RBM28: variants seen among roughly 807,000 people sequenced by gnomAD.
RBM28 encodes the protein RNA-binding protein 28.
A neutral mutation model predicts 98.3 loss-of-function variants in RBM28; 78 were observed. The observed-to-expected ratio is 0.79, with a 90% confidence interval of 0.66 to 0.96. RBM28 has a LOEUF of 0.96. Among genes scored for constraint, RBM28 ranks in the 40% least tolerant of loss-of-function variants. The pLI is 0.00. For missense variants in RBM28, 838 were observed against 913.0 expected, an observed-to-expected ratio of 0.92 and a Z score of 1.06; for synonymous variants, 306 against 330.9, an observed-to-expected ratio of 0.92 and a Z score of 0.82.
rs1434506237 is a variant in RBM28 at position 128,310,879 on chromosome 7, A to G, written c.2198T>C (p.Leu733Pro). 1 of 1,614,078 alleles carries G rather than the reference A, an allele frequency of 6.2e-7. No individual in the cohort carries two copies. The highest frequency in any genetic ancestry group is 8.5e-7 in the Non-Finnish European group (1 of 1,179,894). ...GNKTETRFNQ[L>P]VEQYKQKLLG... The stretch of plus-strand genomic sequence containing the variant: ...TAATTTCTGCTTATATTGTTCGACC[A>G]GCTGGTTGAAGCGGGTTTCCGTCTT... The change falls in exon 19 of 19, where the codon CTG becomes CCG. Residue 733 changes from leucine (L) to proline (P), a missense_variant. Physicochemically the swap from Leu to Pro is moderately conservative, Grantham distance 98. Transcript: ENST00000223073.
intron 10 of RBM28, among the ~76,000 whole-genome samples, chr7:128,327,418 C>T (rs1247290965): frequency 6.6e-6 from 1 of 152,178 alleles, no homozygotes; most frequent in Non-Finnish European, 1.5e-5. Context: ...GGCTCATACT[C>T]TAGAATCTCC....
At chr7:128,324,422 G>A (rs1584646246) in intron 12 of RBM28, 137 bp downstream of exon 12, 2 of 1,245,738 alleles carry the variant, frequency 1.6e-6, no homozygotes, top group East Asian at 2.3e-5. Flanking sequence ...TATTAAAGTG[G>A]AATGATCATA....
At chr7:128,314,674 A>C in intron 17 of RBM28, 90 bp downstream of exon 17, 1 of 1,592,780 alleles carries the variant, frequency 6.3e-7, no homozygotes, top group Non-Finnish European at 8.6e-7. Flanking sequence ...TTTCAACCAA[A>C]CAAATGCCAC....
chr7:128,338,454 G>T, intron 4 of RBM28, 112 bp from the exon 5 acceptor site: 1 of 894,094 alleles, frequency 1.1e-6, no homozygotes, highest in Non-Finnish European at 1.8e-6. Context: ...TCTGCCAGCA[G>T]GTCAGGCCCT....
In RBM28 at chr7:128,300,566, CCT is replaced by C. The variant is rs1190668481; in HGVS notation, c.*10229_*10230del. The C allele has an allele frequency of 1.3e-5, 2 of 152,296 alleles. No homozygotes were observed. The highest frequency in any genetic ancestry group is 1.9e-4 in the East Asian group (1 of 5,200). 9.4% of individuals were successfully genotyped at this position (152,296 alleles called of 1,614,324 possible). On this transcript the variant is annotated 3_prime_UTR_variant, in exon 19 of 19. Coordinates refer to ENST00000223073, the MANE Select transcript of RBM28 (RefSeq NM_018077.3). ...ATGAGCATGCTAACATCATCCAACC[CCT>C]GACCTTGTGGTGAGGATCAAAGACG...
chr7:128,314,950 T>C lies in RBM28; in HGVS notation c.1859A>G (p.Gln620Arg), dbSNP rs900890688. ...TGTGTGGTGTTGAGCTGCCTTCTGTTGCTGGTCTTTTGCAGGCTCTGGTTG... is the reference window on the plus strand; with the variant it reads ...TGTGTGGTGTTGAGCTGCCTTCTGTCGCTGGTCTTTTGCAGGCTCTGGTTG... ...KGQPEPAKDQQQKAAQHHTEE... is the reference protein window; with the variant it reads ...KGQPEPAKDQRQKAAQHHTEE... The change falls in exon 17 of 19, where the codon CAA (glutamine) becomes CGA (arginine). Residue 620 changes from glutamine (Q) to arginine (R), a missense_variant. Transcript: ENST00000223073. The C allele has an allele frequency of 7.4e-6, 12 of 1,614,122 alleles. No homozygotes were observed. Among genetic ancestry groups the C allele is most frequent in the Admixed American group, 1.7e-5 (1 of 60,010 alleles).
rs1795807401 is a variant in RBM28, at chr7:128,303,405, C to T, written c.*7392G>A. On this transcript the variant is annotated 3_prime_UTR_variant, in exon 19 of 19. Coordinates refer to ENST00000223073, the MANE Select transcript of RBM28 (RefSeq NM_018077.3). ...TTCACCAGGCTTGCTGTGAAGGTCA[C>T]CTGAGATAAGAGACGTGAAAGGATG... 6.6e-6 allele frequency: 1 copy of T among 152,210 alleles called. No individual in the cohort carries two copies. Among genetic ancestry groups the T allele is most frequent in the Non-Finnish European group, 1.5e-5 (1 of 68,062 alleles). The allele number at this position is 152,210 out of a possible 1,614,324, so 9.4% of individuals were successfully genotyped here. A position where few individuals can be genotyped will look rare whatever the true frequency, so the allele number is the denominator to read the frequency against.
chr7:128,301,200 C>G lies in RBM28; in HGVS notation c.*9597G>C, dbSNP rs1277117939. On this transcript the variant is annotated 3_prime_UTR_variant, in exon 19 of 19. Coordinates refer to ENST00000223073, the MANE Select transcript of RBM28 (RefSeq NM_018077.3). ...AGGACACTGGGGACAAAAGACATCA[C>G]AGACCCTATCTCCCGTGCTCTTTTA... is the stretch of plus-strand genomic sequence containing the variant. 2 of 152,278 alleles carry G rather than the reference C, an allele frequency of 1.3e-5. No individual in the cohort carries two copies. The highest frequency in any genetic ancestry group is 1.3e-4 in the Admixed American group (2 of 15,288). The allele number at this position is 152,278 out of a possible 1,614,324, so 9.4% of individuals were successfully genotyped here.
chr7:128,343,870 T>C lies in RBM28; in HGVS notation c.-77A>G. 1 of 1,040,904 alleles carries C rather than the reference T, an allele frequency of 9.6e-7. No individual in the cohort carries two copies. Among genetic ancestry groups the C allele is most frequent in the Non-Finnish European group, 1.4e-6 (1 of 719,182 alleles). 64.5% of individuals were successfully genotyped at this position (1,040,904 alleles called of 1,614,324 possible). On this transcript the variant is annotated 5_prime_UTR_variant, in exon 1 of 19. Transcript: ENST00000223073. Reference sequence around the variant, plus strand: ...ACGCGAGCCGAAACGCTGGCTTTGGTAGGACAACCAAGCTCACACGCCGAG... The same window carrying C: ...ACGCGAGCCGAAACGCTGGCTTTGGCAGGACAACCAAGCTCACACGCCGAG...
At position 128,298,442 on chromosome 7, in the gene RBM28, T is replaced by C. The variant is rs1008567612; in HGVS notation, c.*12355A>G. The C allele has an allele frequency of 6.6e-6, 1 of 152,146 alleles. No homozygotes were observed. The highest frequency in any genetic ancestry group is 2.4e-5 in the African/African-American group (1 of 41,416). 9.4% of individuals were successfully genotyped at this position (152,146 alleles called of 1,614,324 possible). ...CTTTATTTCTCAGTCGGCCGACACT[T>C]ATGGAAAATAGAAAGAACCTATGTT... On this transcript the variant is annotated 3_prime_UTR_variant, in exon 19 of 19. Transcript: ENST00000223073.
chr7:128,336,829 C>G (rs1336206809), intron 6 of RBM28, among the ~76,000 whole-genome samples: 1 of 152,166 alleles, frequency 6.6e-6, no homozygotes, highest in Non-Finnish European at 1.5e-5. Context: ...TCTCGGCTCA[C>G]TGCAACCTCT....
At chr7:128,313,023 T>C in intron 18 of RBM28, 152 bp downstream of exon 18, 6 of 772,418 alleles carry the variant, frequency 7.8e-6, no homozygotes, top group Non-Finnish European at 1.1e-5. Context: ...TCTCCACTTT[T>C]AAGATTGTAT....
chr7:128,322,336 T>C (rs1484460296), intron 13 of RBM28, among the ~76,000 whole-genome samples: 1 of 152,186 alleles, frequency 6.6e-6, no homozygotes, highest in East Asian at 1.9e-4. Flanking sequence ...GTGATCTGTG[T>C]CTAAAATGAA....
intron 8 of RBM28, among the ~76,000 whole-genome samples, chr7:128,333,928 T>C (rs1796540223): frequency 1.3e-5 from 2 of 152,216 alleles, no homozygotes; most frequent in South Asian, 4.1e-4. Context: ...TATGACAGTG[T>C]AAACTTTCTG....
chr7:128,335,487 C>T (rs776178543), intron 8 of RBM28, 56 bp downstream of exon 8: 46 of 1,603,134 alleles, frequency 2.9e-5, no homozygotes, highest in Non-Finnish European at 3.3e-5. Context: ...TGCTCATTTC[C>T]GTAACTTCAG....
chr7:128,333,334 C>T lies in RBM28; in HGVS notation c.975G>A (p.Arg325=). ...KAVQVSNKKK[R]KLPSDVNEGK... Reference sequence around the variant, plus strand: ...CTTCATTCACATCAGAGGGTAATTTCCTCTTCTTTTTGTTTGAGACTTGCA... The same window carrying T: ...CTTCATTCACATCAGAGGGTAATTTTCTCTTCTTTTTGTTTGAGACTTGCA... The change falls in exon 9 of 19, where the codon AGG becomes AGA. Residue 325 remains arginine, a synonymous_variant. Coordinates refer to ENST00000223073, the MANE Select transcript of RBM28 (RefSeq NM_018077.3). 4 of 1,605,344 alleles carry T rather than the reference C, an allele frequency of 2.5e-6. No individual in the cohort carries two copies. The highest frequency in any genetic ancestry group is 3.4e-6 in the Non-Finnish European group (4 of 1,172,018).
intron 2 of RBM28, 95 bp from the exon 3 acceptor site, chr7:128,339,416 T>A (rs1796673920): frequency 8.2e-7 from 1 of 1,217,820 alleles, no homozygotes; most frequent in African/African-American, 1.5e-5. Context: ...ACAGATGGCA[T>A]TTACCACAGG....
At chr7:128,321,115 A>G in intron 14 of RBM28, 151 bp downstream of exon 14, 1 of 1,079,344 alleles carries the variant, frequency 9.3e-7, no homozygotes, top group Non-Finnish European at 1.4e-6. Context: ...GCAGTGAGTC[A>G]AGATTGCACC....
intron 1 of RBM28, among the ~76,000 whole-genome samples, chr7:128,342,397 T>C (rs1188321965): frequency 6.6e-6 from 1 of 152,220 alleles, no homozygotes; most frequent in Non-Finnish European, 1.5e-5. Context: ...AGTGGCTTCC[T>C]ATCTCTGAGT....
Sources: gnomAD v4.1 joint callset for allele counts (sites outside exome capture counted in the v4.1 genomes callset) on GRCh38, gnomAD v4.1.1 for gene constraint, MANE v1.5 for transcripts, NCBI Gene and HGNC (gene_info 2026-07-23, HGNC 2026-07-21) for gene names.